Variants in ZFPM2 observed in about 807,000 individuals in gnomAD.
ZFPM2 encodes the protein zinc finger protein, FOG family member 2, also known as zinc finger protein ZFPM2.
Under a neutral mutation model 98.6 loss-of-function variants are expected in ZFPM2, and 20 were observed. The observed-to-expected ratio is 0.20, with a 90% CI of 0.14 to 0.29. The LOEUF is 0.29. Ranked by LOEUF, ZFPM2 falls within the 10% of genes least tolerant of loss-of-function variation. The pLI is 1.00. For missense variants in ZFPM2, 1,310 were observed against 1,388.6 expected, an observed-to-expected ratio of 0.94 and a Z score of 0.90; for synonymous variants, 518 against 502.7, an observed-to-expected ratio of 1.03 and a Z score of -0.41.
At chr8:105,548,838 G>A (rs1814775065) in intron 3 of ZFPM2, among the ~76,000 whole-genome samples, 1 of 152,012 alleles carries the variant, frequency 6.6e-6, no homozygotes, top group African/African-American at 2.4e-5. Context: ...AGTCACATAA[G>A]GAAAAAGTCC....
chr8:105,514,303 G>A (rs1439760748), intron 3 of ZFPM2, among the ~76,000 whole-genome samples: 4 of 123,240 alleles, frequency 3.2e-5, no homozygotes, highest in Admixed American at 1.8e-4. Flanking sequence ...GTTCCTGGTC[G>A]TGTCTTTTTT....
At chr8:105,512,053 G>C (rs553666103) in intron 3 of ZFPM2, among the ~76,000 whole-genome samples, 18 of 152,290 alleles carry the variant, frequency 1.2e-4, no homozygotes, top group African/African-American at 4.1e-4. Flanking sequence ...GGCTGAGGCA[G>C]AGAGTTTCTT....
intron 5 of ZFPM2, among the ~76,000 whole-genome samples, chr8:105,710,717 G>C (rs1366711916): frequency 1.3e-5 from 2 of 149,016 alleles, no homozygotes; most frequent in African/African-American, 2.6e-5. Flanking sequence ...GTGTGTGGGG[G>C]GGTGTATGTG....
chr8:105,584,850 C>G (rs1815678578), intron 4 of ZFPM2, among the ~76,000 whole-genome samples: 1 of 152,102 alleles, frequency 6.6e-6, no homozygotes, highest in Admixed American at 6.5e-5. Context: ...GATAATAGAA[C>G]TGTTATTTGT....
At chr8:105,560,894 A>T (rs965193334) in intron 3 of ZFPM2, among the ~76,000 whole-genome samples, 2 of 152,200 alleles carry the variant, frequency 1.3e-5, no homozygotes, top group Non-Finnish European at 2.9e-5. Flanking sequence ...TATATTGTAC[A>T]TGTAGCCATT....
intron 1 of ZFPM2, among the ~76,000 whole-genome samples, chr8:105,342,334 C>T (rs1812445796): frequency 6.6e-6 from 1 of 152,014 alleles, no homozygotes; most frequent in South Asian, 2.1e-4. Context: ...CAGGTATTGT[C>T]ATATTCTCAT....
chr8:105,518,489 A>G (rs2130537151), intron 3 of ZFPM2, among the ~76,000 whole-genome samples: 1 of 152,328 alleles, frequency 6.6e-6, no homozygotes, highest in East Asian at 1.9e-4. Context: ...AGTTTTACAC[A>G]TCTCTCATGC....
chr8:105,429,475 G>C (rs1408936124), intron 2 of ZFPM2, among the ~76,000 whole-genome samples: 1 of 140,300 alleles, frequency 7.1e-6, no homozygotes, highest in East Asian at 1.9e-4. Context: ...TGGAAATAGT[G>C]TCAAACTTGG....
At position 105,393,125 on chromosome 8, in the gene ZFPM2, T is replaced by C. The variant is rs561731327; in HGVS notation, c.41-26019T>C. ...TAACATCTGTAATTTTTTTAAAGCC[T>C]CTAATATCCAGGTGAAGACCAATCC... On this transcript the variant is annotated intron_variant, in intron 1 of 7. Transcript: ENST00000407775. Among the ~76,000 whole-genome samples, 18 of 152,302 alleles carry C rather than the reference T, an allele frequency of 1.2e-4. No homozygotes were observed. The South Asian group carries it at 3.7e-3, about 32-fold the overall frequency.
At chr8:105,748,560 AG>A (rs1165320876) in intron 5 of ZFPM2, among the ~76,000 whole-genome samples, 1 of 151,994 alleles carries the variant, frequency 6.6e-6, no homozygotes. Context: ...CAAAATATTG[AG>A]GGTCGTTTGA....
chr8:105,345,676 A>G (rs1812510502), intron 1 of ZFPM2, among the ~76,000 whole-genome samples: 2 of 152,112 alleles, frequency 1.3e-5, no homozygotes, highest in African/African-American at 4.8e-5. Context: ...ACAGCTGTTC[A>G]GATCAAATCT....
intron 4 of ZFPM2, among the ~76,000 whole-genome samples, chr8:105,620,328 T>C (rs1197032788): frequency 6.6e-6 from 1 of 152,236 alleles, no homozygotes; most frequent in Admixed American, 6.5e-5. Flanking sequence ...CATAAATGCC[T>C]TCTTTTGAGG....
intron 5 of ZFPM2, among the ~76,000 whole-genome samples, chr8:105,653,156 A>G (rs1008477549): frequency 6.6e-6 from 1 of 152,226 alleles, no homozygotes; most frequent in Non-Finnish European, 1.5e-5. Context: ...AGTTTAAGAA[A>G]GTGAACACAT....
In ZFPM2 at chr8:105,400,273, T is replaced by C. The variant is rs552856748; in HGVS notation, c.41-18871T>C. ...TTTTATTTTTATTTATTTTATTTTT[T>C]TTATTATACTTTAAGTTTTAGGGTA... On this transcript the variant is annotated intron_variant, in intron 1 of 7. Coordinates refer to ENST00000407775, the MANE Select transcript of ZFPM2 (RefSeq NM_012082.4). 1.3e-3 allele frequency among the ~76,000 whole-genome samples: 205 copies of C among 152,082 alleles called. 1 individual carries two copies. The highest frequency in any genetic ancestry group is 4.7e-3 in the African/African-American group (194 of 41,554).
At chr8:105,512,436 A>G (rs1204110355) in intron 3 of ZFPM2, among the ~76,000 whole-genome samples, 5 of 152,218 alleles carry the variant, frequency 3.3e-5, no homozygotes, top group African/African-American at 1.2e-4. Context: ...GTTAAGCACC[A>G]TATCTGATAT....
At chr8:105,751,619 A>G (rs1278096992) in intron 5 of ZFPM2, among the ~76,000 whole-genome samples, 1 of 152,086 alleles carries the variant, frequency 6.6e-6, no homozygotes, top group Admixed American at 6.6e-5. Context: ...ATGTTTTTCA[A>G]TGTCTTATTG....
intron 2 of ZFPM2, among the ~76,000 whole-genome samples, chr8:105,421,189 G>GA (rs1811785246): frequency 6.6e-6 from 1 of 151,864 alleles, no homozygotes; most frequent in Non-Finnish European, 1.5e-5. Flanking sequence ...TAGGAATTAA[G>GA]AAAAAACATT....
chr8:105,603,459 T>G (rs914800351), intron 4 of ZFPM2, among the ~76,000 whole-genome samples: 3 of 152,128 alleles, frequency 2.0e-5, no homozygotes, highest in African/African-American at 7.2e-5. Flanking sequence ...CAAGCATCTT[T>G]GTGAATTTAT....
At chr8:105,532,973 A>G (rs752160810) in intron 3 of ZFPM2, among the ~76,000 whole-genome samples, 19 of 152,302 alleles carry the variant, frequency 1.2e-4, no homozygotes, top group Middle Eastern at 6.8e-3. Context: ...CTACATTAGT[A>G]TTCAGAATGA....
Sources: allele counts gnomAD v4.1 joint callset (sites outside exome capture counted in the v4.1 genomes callset), GRCh38; gene constraint gnomAD v4.1.1; transcripts MANE v1.5; gene names NCBI Gene and HGNC (gene_info 2026-07-23, HGNC 2026-07-21).